The following DAB1 variants were observed in gnomAD, a reference collection of about 807,000 sequenced individuals.
DAB1 encodes DAB adaptor protein 1, also known as disabled homolog 1.
DAB1 carries 15 observed loss-of-function variants against 64.6 expected under a neutral mutation model. That is an observed-to-expected ratio of 0.23 (90% CI 0.16 to 0.36). The LOEUF (loss-of-function observed/expected upper bound fraction) is 0.36. Among genes scored for constraint, DAB1 ranks in the 10% least tolerant of loss-of-function variants. DAB1 has a pLI of 1.00. For synonymous variants in DAB1, 235 were observed against 251.9 expected (o/e 0.93, Z 0.64); for missense variants, 596 against 706.7 (o/e 0.84, Z 1.78).
intron 7 of DAB1, among the ~76,000 whole-genome samples, chr1:57,641,588 G>T (rs1326242467): frequency 1.3e-5 from 2 of 151,520 alleles, no homozygotes; most frequent in Non-Finnish European, 2.9e-5. Context: ...GTTTCATCGT[G>T]TTGGCCAGGA....
intron 6 of DAB1, among the ~76,000 whole-genome samples, chr1:57,742,795 G>C (rs181915396): frequency 6.6e-4 from 100 of 152,276 alleles, no homozygotes; most frequent in African/African-American, 2.3e-3. Flanking sequence ...TGAAGGAGTG[G>C]TGGGATTTAG....
At chr1:58,399,976 G>C (rs558013582) in intron 3 of DAB1, among the ~76,000 whole-genome samples, 1 of 152,048 alleles carries the variant, frequency 6.6e-6, no homozygotes, top group Non-Finnish European at 1.5e-5. Flanking sequence ...ACGAAAACCA[G>C]CTCAAGCTAG....
intron 3 of DAB1, among the ~76,000 whole-genome samples, chr1:58,488,990 C>A (rs770114583): frequency 6.6e-6 from 1 of 152,250 alleles, no homozygotes; most frequent in Non-Finnish European, 1.5e-5. Flanking sequence ...ATAGGAACAG[C>A]TCCAGTCTAC....
At chr1:57,540,625 A>G (rs1644790277) in intron 7 of DAB1, among the ~76,000 whole-genome samples, 1 of 152,236 alleles carries the variant, frequency 6.6e-6, no homozygotes, top group Non-Finnish European at 1.5e-5. Flanking sequence ...ATAAAAAAAG[A>G]ATAAAATCCT....
chr1:57,639,838 C>T (rs1456718677), intron 7 of DAB1, among the ~76,000 whole-genome samples: 1 of 152,152 alleles, frequency 6.6e-6, no homozygotes, highest in Admixed American at 6.5e-5. Context: ...CCCTTCAGTG[C>T]TGAAAACACA....
chr1:58,324,540 A>G (rs567828469), intron 4 of DAB1, among the ~76,000 whole-genome samples: 2 of 152,282 alleles, frequency 1.3e-5, no homozygotes, highest in Admixed American at 1.3e-4. Flanking sequence ...CCAGTTGAGC[A>G]AGCATAATTT....
intron 3 of DAB1, among the ~76,000 whole-genome samples, chr1:58,397,828 CT>C (rs1321493807): frequency 6.6e-6 from 1 of 152,328 alleles, no homozygotes; most frequent in East Asian, 1.9e-4. Flanking sequence ...TGGGCCTCAT[CT>C]TTGAATCTGT....
intron 6 of DAB1, among the ~76,000 whole-genome samples, chr1:57,728,066 T>C (rs1647257759): frequency 6.6e-6 from 1 of 152,094 alleles, no homozygotes. Flanking sequence ...CTTCCTTTCT[T>C]ATAGAGAAGT....
At chr1:57,113,855 C>G (rs1022042064) in intron 4 of DAB1, among the ~76,000 whole-genome samples, 1 of 152,092 alleles carries the variant, frequency 6.6e-6, no homozygotes, top group African/African-American at 2.4e-5. Flanking sequence ...TTTCTCATTC[C>G]AAAGCATGTG....
chr1:57,662,765 T>C (rs577583579), intron 6 of DAB1, among the ~76,000 whole-genome samples: 1 of 152,304 alleles, frequency 6.6e-6, no homozygotes, highest in South Asian at 2.1e-4. Flanking sequence ...GCTCAAGTGC[T>C]TGCCTCCAGC....
intron 1 of DAB1, chr1:58,530,672 TTG>T (rs1409390651): frequency 1.1e-6 from 1 of 872,692 alleles, no homozygotes; most frequent in African/African-American, 1.6e-5. Context: ...GCCCAAATCA[TTG>T]TGAGGAAAAT....
At chr1:57,350,143 G>T (rs1678461334) in intron 1 of DAB1, among the ~76,000 whole-genome samples, 1 of 152,298 alleles carries the variant, frequency 6.6e-6, no homozygotes, top group Non-Finnish European at 1.5e-5. Context: ...TGTACCACAT[G>T]CTGAGCTCTG....
chr1:57,278,438 A>G (rs1354578618), intron 2 of DAB1, among the ~76,000 whole-genome samples: 1 of 152,208 alleles, frequency 6.6e-6, no homozygotes, highest in Non-Finnish European at 1.5e-5. Flanking sequence ...GTCCTTGTCA[A>G]TAAGACTCAG....
intron 4 of DAB1, 100 bp from the exon 5 acceptor site, chr1:57,072,514 AG>A: frequency 7.4e-7 from 1 of 1,344,468 alleles, no homozygotes; most frequent in Non-Finnish European, 1.0e-6. Flanking sequence ...ACAGGCCCGA[AG>A]GGCTTTGGAA....
intron 3 of DAB1, among the ~76,000 whole-genome samples, chr1:58,435,469 A>G (rs1644932060): frequency 1.3e-5 from 2 of 152,126 alleles, no homozygotes; most frequent in Admixed American, 1.3e-4. Flanking sequence ...GCGGTAACCC[A>G]TGTGTTCAGG....
At chr1:57,650,296 C>A (rs1646241297) in intron 6 of DAB1, among the ~76,000 whole-genome samples, 1 of 142,318 alleles carries the variant, frequency 7.0e-6, no homozygotes, top group African/African-American at 2.4e-5. Context: ...AGGTGTGCCA[C>A]CACGCCTGGC....
In DAB1 at chr1:58,167,875, G is replaced by A. The variant is rs187122618; in HGVS notation, n.310-17287C>T. 3.6e-3 allele frequency among the ~76,000 whole-genome samples: 550 copies of A among 152,288 alleles called. 4 individuals carry two copies. The highest frequency in any genetic ancestry group is 0.012 in the African/African-American group (516 of 41,542). ...AAACTCCAGACACATCTGAACATCT[G>A]AAGGAACAAACTCTGGACACACCAA... On this transcript the variant is annotated intron_variant and non_coding_transcript_variant, in intron 4 of 20. Transcript: ENST00000485760.
At chr1:57,528,380 G>A (rs1644618323) in intron 7 of DAB1, among the ~76,000 whole-genome samples, 2 of 152,094 alleles carry the variant, frequency 1.3e-5, no homozygotes, top group Admixed American at 6.6e-5. Context: ...TGACCTGTAT[G>A]ACAATATTGA....
At chr1:58,068,494 G>GCA (rs1649000403) in intron 5 of DAB1, among the ~76,000 whole-genome samples, 2 of 152,114 alleles carry the variant, frequency 1.3e-5, no homozygotes, top group Non-Finnish European at 2.9e-5. Flanking sequence ...GCCTGGGCAT[G>GCA]GTGGCTCACG....
Sources: gnomAD v4.1 joint callset for allele counts (sites outside exome capture counted in the v4.1 genomes callset) on GRCh38, gnomAD v4.1.1 for gene constraint, MANE v1.5 for transcripts, NCBI Gene and HGNC (gene_info 2026-07-23, HGNC 2026-07-21) for gene names.